The following ADCY2 variants were observed in gnomAD, a reference collection of about 807,000 sequenced individuals.
The protein encoded by ADCY2 is adenylate cyclase 2.
A neutral mutation model predicts 125.2 loss-of-function variants in ADCY2; 31 were observed. The observed-to-expected ratio is 0.25, with a 90% CI of 0.19 to 0.33. ADCY2 has a LOEUF of 0.33. ADCY2 is among the 10% of genes least tolerant of loss of function. ADCY2 has a pLI of 1.00. For synonymous variants in ADCY2, 512 were observed against 548.4 expected, an observed-to-expected ratio of 0.93 and a Z score of 0.93; for missense variants, 904 against 1,418.2, an observed-to-expected ratio of 0.64 and a Z score of 5.82.
intron 2 of ADCY2, among the ~76,000 whole-genome samples, chr5:7,450,382 C>A (rs899854475): frequency 6.6e-6 from 1 of 152,252 alleles, no homozygotes; most frequent in Admixed American, 6.5e-5. Context: ...CACAACATTC[C>A]CTTAAGCCAA....
chr5:7,707,683 G>A (rs1390159959), intron 8 of ADCY2, 23 bp from the exon 9 acceptor site: 1 of 1,611,352 alleles, frequency 6.2e-7, no homozygotes, highest in Non-Finnish European at 8.5e-7. Context: ...TGTCTTGACT[G>A]TGATTTTAAA....
In ADCY2 at chr5:7,761,820, G is replaced by C. The variant is rs543473885; in HGVS notation, c.2094+4234G>C. On this transcript the variant is annotated intron_variant, in intron 16 of 24. Coordinates refer to ENST00000338316, the MANE Select transcript of ADCY2 (RefSeq NM_020546.3). ...ACTGTCTATAAATGTTTGACAAGCT[G>C]ATCATTTAGGAGGAGACATTCTTTC... 2.0e-5 allele frequency among the ~76,000 whole-genome samples: 3 copies of C among 152,320 alleles called. No individual in the cohort carries two copies. The East Asian group carries it at 5.8e-4, about 29-fold the overall frequency.
At chr5:7,552,578 C>A (rs750285415) in intron 3 of ADCY2, among the ~76,000 whole-genome samples, 1 of 152,286 alleles carries the variant, frequency 6.6e-6, no homozygotes, top group Middle Eastern at 3.4e-3. Context: ...ATTTATTGAA[C>A]ACGATACTTG....
intron 18 of ADCY2, among the ~76,000 whole-genome samples, chr5:7,773,598 G>GA (rs772397221): frequency 2.0e-5 from 3 of 151,830 alleles, no homozygotes; most frequent in Non-Finnish European, 4.4e-5. Flanking sequence ...GCAAAATATT[G>GA]AAAAAATAAG....
At chr5:7,815,958 G>T (rs1300562969) in intron 22 of ADCY2, among the ~76,000 whole-genome samples, 1 of 152,212 alleles carries the variant, frequency 6.6e-6, no homozygotes, top group East Asian at 1.9e-4. Flanking sequence ...TTCTCCCCCT[G>T]TCGGGCCTCT....
intron 2 of ADCY2, among the ~76,000 whole-genome samples, chr5:7,515,338 A>T (rs188038125): frequency 1.3e-5 from 2 of 152,198 alleles, no homozygotes; most frequent in African/African-American, 4.8e-5. Context: ...AAACTCTTCA[A>T]AAATGGCCTT....
intron 3 of ADCY2, among the ~76,000 whole-genome samples, chr5:7,525,392 A>G (rs1427825802): frequency 6.6e-6 from 1 of 152,154 alleles, no homozygotes; most frequent in Non-Finnish European, 1.5e-5. Flanking sequence ...TCCTCTTGAC[A>G]CATTCCCACC....
rs1296762228 is a variant in ADCY2, at chr5:7,693,427, T to G, written c.870-2325T>G. Among the ~76,000 whole-genome samples, 271 of 140,118 alleles carry G rather than the reference T, an allele frequency of 1.9e-3. 10 individuals are homozygous for G. The highest frequency in any genetic ancestry group is 6.6e-3 in the East Asian group (34 of 5,140). 91.9% of individuals were successfully genotyped at this position (140,118 alleles called of 152,430 possible). On this transcript the variant is annotated intron_variant, in intron 5 of 24. Transcript: ENST00000338316. ...TGCTGTTTTTTGTTTTTTTTTTTTT[T>G]TTTTTTTTTGAGACGGAGTCTCACT...
intron 1 of ADCY2, among the ~76,000 whole-genome samples, chr5:7,401,251 G>A (rs1437527278): frequency 6.6e-6 from 1 of 152,154 alleles, no homozygotes; most frequent in Non-Finnish European, 1.5e-5. Flanking sequence ...TTACTGTGAG[G>A]GAATACTGTA....
intron 16 of ADCY2, among the ~76,000 whole-genome samples, chr5:7,761,538 C>G (rs576544539): frequency 1.3e-5 from 2 of 151,948 alleles, no homozygotes; most frequent in African/African-American, 4.8e-5. Flanking sequence ...TTGAGGAGAT[C>G]TTTGTTTTTT....
At chr5:7,525,024 A>T (rs947498758) in intron 3 of ADCY2, among the ~76,000 whole-genome samples, 1 of 152,128 alleles carries the variant, frequency 6.6e-6, no homozygotes, top group East Asian at 1.9e-4. Context: ...TTTTTTAGAG[A>T]TGGAGTCTCG....
At chr5:7,577,677 A>G (rs1313158305) in intron 3 of ADCY2, among the ~76,000 whole-genome samples, 1 of 152,106 alleles carries the variant, frequency 6.6e-6, no homozygotes, top group Admixed American at 6.6e-5. Context: ...CTAATTTTTT[A>G]GAATTACCAG....
intron 3 of ADCY2, among the ~76,000 whole-genome samples, chr5:7,526,068 TG>T (rs1245245955): frequency 6.6e-6 from 1 of 152,208 alleles, no homozygotes; most frequent in Non-Finnish European, 1.5e-5. Context: ...TCCTCTTCCC[TG>T]TCCCAGCTCT....
intron 2 of ADCY2, among the ~76,000 whole-genome samples, chr5:7,498,063 C>G (rs1003963376): frequency 6.6e-6 from 1 of 151,970 alleles, no homozygotes; most frequent in Non-Finnish European, 1.5e-5. Context: ...AATATTATCT[C>G]TTTTCAAACT....
intron 3 of ADCY2, among the ~76,000 whole-genome samples, chr5:7,582,762 A>C (rs532574865): frequency 6.6e-6 from 1 of 152,270 alleles, no homozygotes; most frequent in East Asian, 1.9e-4. Context: ...GAGAAAAATA[A>C]AACTAACATT....
chr5:7,629,922 C>T (rs1419910887), intron 4 of ADCY2, among the ~76,000 whole-genome samples: 2 of 152,168 alleles, frequency 1.3e-5, no homozygotes, highest in African/African-American at 4.8e-5. Flanking sequence ...GAGTAAAAGC[C>T]AGGTTTGCTA....
intron 15 of ADCY2, among the ~76,000 whole-genome samples, chr5:7,749,053 CCATGTT>C (rs1290858883): frequency 6.6e-6 from 1 of 152,100 alleles, no homozygotes; most frequent in African/African-American, 2.4e-5. Context: ...GCAGGGATGC[CCATGTT>C]CATGGACATG....
At chr5:7,436,783 G>T (rs765623876) in intron 2 of ADCY2, among the ~76,000 whole-genome samples, 6 of 152,232 alleles carry the variant, frequency 3.9e-5, no homozygotes, top group Non-Finnish European at 8.8e-5. Flanking sequence ...AACATGCCAG[G>T]CGTGTGCAGC....
At chr5:7,673,436 TCAAAACAAAA>T (rs1391776300) in intron 4 of ADCY2, among the ~76,000 whole-genome samples, 1 of 150,900 alleles carries the variant, frequency 6.6e-6, no homozygotes, top group African/African-American at 2.4e-5. Context: ...AGACTCCGTC[TCAAAACAAAA>T]CAAAACAAAT....
Sources: gnomAD v4.1 joint callset for allele counts (sites outside exome capture counted in the v4.1 genomes callset) on GRCh38, gnomAD v4.1.1 for gene constraint, MANE v1.5 for transcripts, NCBI Gene and HGNC (gene_info 2026-07-23, HGNC 2026-07-21) for gene names.